PPL: variants seen among roughly 807,000 people sequenced by gnomAD.
PPL encodes the protein periplakin, also known as 190 kDa paraneoplastic pemphigus antigen.
A neutral mutation model predicts 194.4 loss-of-function variants in PPL; 198 were observed. The ratio of observed to expected loss-of-function variants is 1.02; its 90% confidence interval spans 0.91 to 1.15. The LOEUF is 1.15. PPL is among the 50% of genes most tolerant of loss of function. The pLI, the probability that PPL is intolerant of heterozygous loss-of-function variation, is 0.00. For synonymous variants in PPL, 1,220 were observed against 972.4 expected, an observed-to-expected ratio of 1.25 and a Z score of -4.74; for missense variants, 2,885 against 2,294.8, an observed-to-expected ratio of 1.26 and a Z score of -5.25.
intron 2 of PPL, among the ~76,000 whole-genome samples, chr16:4,907,210 C>T (rs866283456): frequency 1.3e-5 from 2 of 151,300 alleles, no homozygotes; most frequent in African/African-American, 2.4e-5. Flanking sequence ...TTCAGTGAGT[C>T]GTGATTGCGC....
Position 4,890,132 on chromosome 16 carries a change from C to T in PPL, c.2313+52G>A, listed in dbSNP as rs2088290906. 1.1e-5 allele frequency: 18 copies of T among 1,612,766 alleles called. No individual in the cohort carries two copies. In the Admixed American group the frequency reaches 2.5e-4, roughly 22 times the overall value. ...TCCCCAGAAAGGGGCTTGTTGACCT[C>T]TGACCCTCCCTTGCCAGTGTGTGCC... On this transcript the variant is annotated intron_variant, in intron 18 of 21. Transcript: ENST00000345988.
chr16:4,890,102 T>C, intron 18 of PPL, 82 bp downstream of exon 18: 1 of 1,603,624 alleles, frequency 6.2e-7, no homozygotes, highest in Non-Finnish European at 8.5e-7. Context: ...TCCCAAAGGC[T>C]TGGCTCCCCA....
Position 4,895,794 on chromosome 16 carries a change from T to A in PPL, c.973-78A>T, listed in dbSNP as rs1036288120. On this transcript the variant is annotated intron_variant, in intron 9 of 21. Coordinates refer to ENST00000345988, the MANE Select transcript of PPL (RefSeq NM_002705.5). ...GCTTCTGTCGGAGGCTTCAAGCTCA[T>A]CCCTCAGGCGGGGCTGGGCCTCCGG... 2.8e-5 allele frequency: 44 copies of A among 1,596,824 alleles called. 1 individual carries two copies. The African/African-American group carries it at 5.9e-4, about 21-fold the overall frequency.
At position 4,902,476 on chromosome 16, in the gene PPL, T is replaced by G. The variant is rs2088594696; in HGVS notation, c.368A>C (p.Gln123Pro). ...RVTNLRGKHK[Q>P]IYRLAVKEVD... ...TTCCTTCACCGCCAGCCTGTAGATCTGCTTGTGTTTCCCGCGCAGGTTGGT... is the reference window on the plus strand; with the variant it reads ...TTCCTTCACCGCCAGCCTGTAGATCGGCTTGTGTTTCCCGCGCAGGTTGGT... The change falls in exon 4 of 22, where the codon CAG (glutamine) becomes CCG (proline). Residue 123 changes from glutamine to proline, a missense_variant. Transcript: ENST00000345988. The surrounding 1 kb of genome is among the most constrained non-coding windows in gnomAD (Gnocchi z 4.0). 6.2e-7 allele frequency: 1 copy of G among 1,613,920 alleles called. No homozygotes were observed. Among genetic ancestry groups the G allele is most frequent in the South Asian group, 1.1e-5 (1 of 91,036 alleles).
chr16:4,893,333 GC>G lies in PPL; in HGVS notation c.1529del (p.Gly510AlafsTer77). On this transcript the variant is annotated frameshift_variant, in exon 14 of 22. Transcript: ENST00000345988. LOFTEE classifies it high-confidence loss of function. ...SDLQGRQLLA[G>X]LDKVASDLDR... ...CCAGGTCGCTGGCCACCTTGTCCAA[GC>G]CAGCCAGCAGCTGCCGCCCCTGTAG... 1.2e-6 allele frequency: 2 copies of G among 1,608,390 alleles called. No individual in the cohort carries two copies. Among genetic ancestry groups the G allele is most frequent in the Non-Finnish European group, 1.7e-6 (2 of 1,179,752 alleles).
At chr16:4,930,729 C>A (rs2089215925) in intron 1 of PPL, among the ~76,000 whole-genome samples, 1 of 152,102 alleles carries the variant, frequency 6.6e-6, no homozygotes. Context: ...AGAAGGTAAA[C>A]CTGGAAGTGG....
intron 1 of PPL, among the ~76,000 whole-genome samples, chr16:4,918,559 G>T (rs1205177621): frequency 6.6e-6 from 1 of 152,190 alleles, no homozygotes; most frequent in African/African-American, 2.4e-5. Context: ...ACAACTTTAA[G>T]TGAGTGAATT....
In PPL at chr16:4,885,547, C is replaced by T; in HGVS notation, c.3108G>A (p.Gln1036=). Residue 1036 remains glutamine, a synonymous_variant, in exon 22 of 22, where the codon CAG becomes CAA. Transcript: ENST00000345988. This position sits in a 1 kb window ranked among gnomAD's most constrained non-coding sequence, Gnocchi z 6.3. ...TCTCTTCAGCCAGGGCGGCCACACG[C>T]TGCTGCAGGAGGAGCACCTCTGCCT... ...AREAEVLLLQ[Q]RVAALAEEKS... is the part of the protein sequence containing the mutation. The T allele has an allele frequency of 6.2e-7, 1 of 1,610,676 alleles. No homozygotes were observed.
intron 1 of PPL, among the ~76,000 whole-genome samples, chr16:4,930,435 C>T (rs1053233449): frequency 3.9e-5 from 6 of 152,196 alleles, no homozygotes; most frequent in Admixed American, 1.3e-4. Flanking sequence ...TCCCCACCTC[C>T]GGGCTCTGCT....
Position 4,894,547 on chromosome 16 carries a change from G to A in PPL, c.1314C>T (p.Ser438=), listed in dbSNP as rs1423995801. The A allele has an allele frequency of 6.2e-7, 1 of 1,613,718 alleles. No individual in the cohort carries two copies. The highest frequency in any genetic ancestry group is 1.3e-5 in the African/African-American group (1 of 74,908). ...NNGESWELMD[S]AGNKLIAPAV... is the part of the protein sequence containing the mutation. ...CCGGAGCAATCAGCTTGTTCCCAGC[G>A]CTGTCCATGAGCTCCCAGCTCTCCC... Residue 438 remains serine, a synonymous_variant, in exon 12 of 22, where the codon AGC becomes AGT. Transcript: ENST00000345988.
At chr16:4,918,066 G>A (rs1476619073) in intron 1 of PPL, among the ~76,000 whole-genome samples, 1 of 151,922 alleles carries the variant, frequency 6.6e-6, no homozygotes, top group African/African-American at 2.4e-5. Flanking sequence ...GCTGAGTCGG[G>A]CAGATCACCT....
chr16:4,908,969 G>A (rs72633275), intron 2 of PPL, among the ~76,000 whole-genome samples: 18,175 of 152,270 alleles, frequency 0.12, 1,317 homozygotes, highest in East Asian at 0.27. Context: ...AAGAAGGAAA[G>A]AAATCCACCA....
intron 2 of PPL, among the ~76,000 whole-genome samples, chr16:4,910,597 G>C (rs1288243078): frequency 3.9e-5 from 6 of 152,174 alleles, no homozygotes; most frequent in African/African-American, 1.2e-4. Flanking sequence ...CTCTCACAGA[G>C]CAGGGCTTCC....
Position 4,883,294 on chromosome 16 carries a change from C to G in PPL, c.*90G>C, listed in dbSNP as rs965767582. The G allele has an allele frequency of 1.9e-6, 3 of 1,562,730 alleles. No homozygotes were observed. Among genetic ancestry groups the G allele is most frequent in the Non-Finnish European group, 2.6e-6 (3 of 1,155,108 alleles). On this transcript the variant is annotated 3_prime_UTR_variant, in exon 22 of 22. Transcript: ENST00000345988. The surrounding 1 kb of genome is among the most constrained non-coding windows in gnomAD (Gnocchi z 4.8). ...TATGTATAAAATGCTTGGCCTGCAC[C>G]AGGGCAAGGGAGAGGACGACACCAA...
intron 11 of PPL, 30 bp downstream of exon 11, chr16:4,895,231 G>A (rs2088401778): frequency 6.3e-7 from 1 of 1,576,898 alleles, no homozygotes; most frequent in Non-Finnish European, 8.6e-7. Context: ...ACTTTGTAGT[G>A]ATGTGAACAG....
In PPL at chr16:4,904,079, C is replaced by T. The variant is rs773005918; in HGVS notation, c.163-39G>A. 39 of 1,589,536 alleles carry T rather than the reference C, an allele frequency of 2.5e-5. No individual in the cohort carries two copies. The highest frequency in any genetic ancestry group is 4.5e-5 in the East Asian group (2 of 44,210). On this transcript the variant is annotated intron_variant, in intron 2 of 21. Coordinates refer to ENST00000345988, the MANE Select transcript of PPL (RefSeq NM_002705.5). ...AAGAGAGGGGACAATGAACAGGAGC[C>T]GAGAGCGGGCACGGTGGCAATGGGA...
intron 1 of PPL, among the ~76,000 whole-genome samples, chr16:4,931,541 C>T (rs996480140): frequency 9.2e-5 from 14 of 152,156 alleles, no homozygotes; most frequent in African/African-American, 2.7e-4. Context: ...GACCAGAGGC[C>T]GTTTCCCCAT....
intron 18 of PPL, 46 bp downstream of exon 18, chr16:4,890,138 C>G: frequency 6.2e-7 from 1 of 1,613,314 alleles, no homozygotes. Context: ...ACCTCTGACC[C>G]TCCCTTGCCA....
chr16:4,891,255 C>T (rs1567996569), intron 16 of PPL, among the ~76,000 whole-genome samples: 1 of 152,122 alleles, frequency 6.6e-6, no homozygotes, highest in Non-Finnish European at 1.5e-5. Context: ...CCTCAGGTCA[C>T]AGACTTGAAT....
Sources: allele counts gnomAD v4.1 joint callset (sites outside exome capture counted in the v4.1 genomes callset), GRCh38; gene constraint gnomAD v4.1.1; non-coding constraint Gnocchi (gnomAD v3.1); transcripts MANE v1.5; gene names NCBI Gene and HGNC (gene_info 2026-07-23, HGNC 2026-07-21).